Variants in GLIS3 observed in about 807,000 individuals in gnomAD.
The protein encoded by GLIS3 is GLIS family zinc finger 3, also known as zinc finger protein GLIS3.
GLIS3 carries 53 observed loss-of-function variants against 78.6 expected under a neutral mutation model. That is an observed-to-expected ratio of 0.67 (90% CI 0.54 to 0.85). The LOEUF (loss-of-function observed/expected upper bound fraction) is 0.85. Among genes scored for constraint, GLIS3 ranks in the 40% least tolerant of loss-of-function variants. The pLI, the probability that GLIS3 is intolerant of heterozygous loss-of-function variation, is 0.00. For missense variants in GLIS3, 1,703 were observed against 1,231.1 expected, an observed-to-expected ratio of 1.38 and a Z score of -5.74; for synonymous variants, 684 against 509.9, an observed-to-expected ratio of 1.34 and a Z score of -4.60.
At position 4,047,498 on chromosome 9, in the gene GLIS3, A is replaced by C. The variant is rs149817284; in HGVS notation, c.1710+70270T>G. 1.1e-3 allele frequency among the ~76,000 whole-genome samples: 175 copies of C among 152,270 alleles called. 2 individuals are homozygous for C. The highest frequency in any genetic ancestry group is 4.0e-3 in the African/African-American group (168 of 41,552). On this transcript the variant is annotated intron_variant, in intron 4 of 10. Coordinates refer to ENST00000381971, the MANE Select transcript of GLIS3 (RefSeq NM_001042413.2). ...ATTTCAAAAACCTGTTACTGCTCTGAATTACAAACAAACTTAAATCCACAC... is the reference window on the plus strand; with the variant it reads ...ATTTCAAAAACCTGTTACTGCTCTGCATTACAAACAAACTTAAATCCACAC...
At chr9:4,477,110 C>T in the GLIS3 span, among the ~76,000 whole-genome samples, 2 of 152,070 alleles carry the variant, frequency 1.3e-5, no homozygotes, top group Non-Finnish European at 2.9e-5. Context: ...AATACTTGTA[C>T]GTCCATATTC....
At chr9:4,347,836 A>G (rs1817914994) in intron 1 of GLIS3, among the ~76,000 whole-genome samples, 1 of 152,070 alleles carries the variant, frequency 6.6e-6, no homozygotes, top group Admixed American at 6.6e-5. Flanking sequence ...CAACTATTTT[A>G]CTGGGTAATT....
At chr9:4,369,925 C>G in the GLIS3 span, among the ~76,000 whole-genome samples, 1 of 152,196 alleles carries the variant, frequency 6.6e-6, no homozygotes, top group East Asian at 1.9e-4. Flanking sequence ...GGCAAGGTGG[C>G]TCATGCCCAT....
intron 4 of GLIS3, among the ~76,000 whole-genome samples, chr9:3,991,879 A>T (rs1165034448): frequency 1.3e-5 from 2 of 151,564 alleles, no homozygotes; most frequent in Admixed American, 1.3e-4. Context: ...TTTAGTAGAG[A>T]CGGGGTTTCA....
chr9:3,875,558 G>C (rs1029291893), intron 8 of GLIS3: 4 of 152,196 alleles, frequency 2.6e-5, no homozygotes, highest in African/African-American at 4.8e-5. Context: ...AACTGCCGGA[G>C]TTTTTACTGG....
At chr9:3,957,545 A>C (rs1817214679) in intron 4 of GLIS3, among the ~76,000 whole-genome samples, 1 of 152,232 alleles carries the variant, frequency 6.6e-6, no homozygotes, top group Admixed American at 6.5e-5. Context: ...ATATACCACC[A>C]GGGCAGTACT....
At chr9:4,477,770 G>A in the GLIS3 span, among the ~76,000 whole-genome samples, 3 of 152,116 alleles carry the variant, frequency 2.0e-5, no homozygotes. Flanking sequence ...AAATGTTCTG[G>A]AGATGGATAG....
chr9:4,173,403 C>G (rs1483817816), intron 2 of GLIS3, among the ~76,000 whole-genome samples: 1 of 152,058 alleles, frequency 6.6e-6, no homozygotes. Context: ...ATTTATTAAC[C>G]GTGCCACGTG....
chr9:4,272,487 G>A (rs1826607167), intron 2 of GLIS3, among the ~76,000 whole-genome samples: 1 of 152,160 alleles, frequency 6.6e-6, no homozygotes, highest in Non-Finnish European at 1.5e-5. Flanking sequence ...TGCCGGGTGT[G>A]CTTGGGCAAG....
intron 2 of GLIS3, among the ~76,000 whole-genome samples, chr9:4,214,629 G>A (rs1251228452): frequency 6.6e-6 from 1 of 152,084 alleles, no homozygotes; most frequent in African/African-American, 2.4e-5. Flanking sequence ...TTTTCTTCTG[G>A]TTTTCATTTA....
chr9:4,484,637 G>T, the GLIS3 span, among the ~76,000 whole-genome samples: 6 of 151,852 alleles, frequency 4.0e-5, no homozygotes, highest in East Asian at 9.7e-4. Context: ...GGCTAGGCTC[G>T]AACTCCCGAC....
intron 4 of GLIS3, among the ~76,000 whole-genome samples, chr9:3,961,127 C>A (rs532009683): frequency 6.6e-6 from 1 of 152,178 alleles, no homozygotes; most frequent in Non-Finnish European, 1.5e-5. Context: ...AACCTCATTG[C>A]TCTGACAGCA....
chr9:4,277,132 C>G (rs909530891), intron 2 of GLIS3, among the ~76,000 whole-genome samples: 2 of 152,180 alleles, frequency 1.3e-5, no homozygotes, highest in Admixed American at 6.6e-5. Flanking sequence ...TATCCCAGTT[C>G]TAACATGGCT....
At chr9:4,155,811 T>G (rs1244858861) in intron 2 of GLIS3, among the ~76,000 whole-genome samples, 1 of 152,068 alleles carries the variant, frequency 6.6e-6, no homozygotes, top group African/African-American at 2.4e-5. Flanking sequence ...CGGTGGGACC[T>G]GAGATTTTGC....
chr9:4,366,380 G>GA, the GLIS3 span, among the ~76,000 whole-genome samples: 9 of 151,774 alleles, frequency 5.9e-5, no homozygotes, highest in East Asian at 5.8e-4. Context: ...GTTAAAACGT[G>GA]AAAAAAAACC....
intron 4 of GLIS3, among the ~76,000 whole-genome samples, chr9:4,074,386 T>G (rs1462201189): frequency 6.6e-6 from 1 of 152,210 alleles, no homozygotes; most frequent in East Asian, 1.9e-4. Flanking sequence ...CTCATATATC[T>G]GTAAACACTC....
chr9:4,433,058 G>T, the GLIS3 span, among the ~76,000 whole-genome samples: 1 of 152,134 alleles, frequency 6.6e-6, no homozygotes, highest in African/African-American at 2.4e-5. Flanking sequence ...CTGCAAAGGA[G>T]AATTGTTTTA....
At chr9:4,394,776 C>T in the GLIS3 span, among the ~76,000 whole-genome samples, 111 of 152,224 alleles carry the variant, frequency 7.3e-4, no homozygotes, top group Non-Finnish European at 1.4e-3. Flanking sequence ...ATTCTCTTCA[C>T]CACTAATGAG....
intron 4 of GLIS3, among the ~76,000 whole-genome samples, chr9:4,023,985 C>G (rs1049517043): frequency 1.3e-5 from 2 of 151,256 alleles, no homozygotes; most frequent in African/African-American, 4.9e-5. Context: ...AAGAGTAAGA[C>G]CATGTTTCAT....
Sources: gnomAD v4.1 joint callset for allele counts (sites outside exome capture counted in the v4.1 genomes callset) on GRCh38, gnomAD v4.1.1 for gene constraint, MANE v1.5 for transcripts, NCBI Gene and HGNC (gene_info 2026-07-23, HGNC 2026-07-21) for gene names.